Variants in FLG observed in about 807,000 individuals in gnomAD.
FLG encodes filaggrin.
A neutral mutation model predicts 3.8 loss-of-function variants in FLG; 6 were observed. That is an observed-to-expected ratio of 1.60 (90% CI 0.87 to 3.15). The LOEUF (loss-of-function observed/expected upper bound fraction) is 3.15, where lower values mean the gene tolerates loss of function less well. FLG is among the 30% of genes most tolerant of loss of function. The pLI is 0.00. For synonymous variants in FLG, 2,551 were observed against 1,931.6 expected (o/e 1.32, Z -8.41); for missense variants, 7,595 against 5,050.9 (o/e 1.50, Z -15.27).
chr1:152,312,798 G>A lies in FLG; in HGVS notation c.2088C>T (p.Ser696=), dbSNP rs1052420405. The change falls in exon 3 of 3, where the codon TCC becomes TCT. Residue 696 remains serine, a synonymous_variant. Transcript: ENST00000368799. ...CTGCACTTGATCTTGCCTGTTCATGGGATGACGCAGCCTGTCCACTAGAGG... is the reference window on the plus strand; with the variant it reads ...CTGCACTTGATCTTGCCTGTTCATGAGATGACGCAGCCTGTCCACTAGAGG... ...QNSSSGQAAS[S]HEQARSSAGE... The A allele has an allele frequency of 1.2e-6, 2 of 1,614,062 alleles. No homozygotes were observed. The highest frequency in any genetic ancestry group is 1.7e-6 in the Non-Finnish European group (2 of 1,180,026).
rs148283211 is a variant in FLG, at chr1:152,305,305, T to C, written c.9581A>G (p.His3194Arg). The C allele has an allele frequency of 4.1e-5, 66 of 1,610,944 alleles. No homozygotes were observed. The African/African-American group carries it at 8.7e-4, about 21-fold the overall frequency. The change falls in exon 3 of 3, where the codon CAC (histidine) becomes CGC (arginine). Residue 3194 changes from histidine (H) to arginine (R), a missense_variant. By Grantham distance (29) the His-to-Arg change is conservative. Transcript: ENST00000368799. Reference sequence around the variant, plus strand: ...TGATTGTCCCTGGACTGCCTGTGAGTGTCTAGAGATGTCGGCATGAGTGGA... The same window carrying C: ...TGATTGTCCCTGGACTGCCTGTGAGCGTCTAGAGATGTCGGCATGAGTGGA... ...EASTHADISR[H>R]SQAVQGQSEG...
rs1477657085 is a variant in FLG at position 152,311,288 on chromosome 1, A to T, written c.3598T>A (p.Ser1200Thr). 2 of 1,613,208 alleles carry T rather than the reference A, an allele frequency of 1.2e-6. No individual in the cohort carries two copies. The highest frequency in any genetic ancestry group is 1.7e-5 in the Admixed American group (1 of 59,924). ...HSGSHHSHTT[S>T]QGRSDASHGQ... ...TGGGAGGCATCAGACCTTCCCTGGG[A>T]TGTGGTGTGGCTGTGATGGGACCCT... The change falls in exon 3 of 3, where the codon TCC becomes ACC. Residue 1200 changes from serine (S) to threonine (T), a missense_variant. Transcript: ENST00000368799.
rs778352301 is a variant in FLG, at chr1:152,307,232, C to T, written c.7654G>A (p.Gly2552Arg). The change falls in exon 3 of 3, where the codon GGA becomes AGA. Residue 2552 changes from glycine (G) to arginine (R), a missense_variant. Transcript: ENST00000368799. ...CTTGTCCTGGGCCCCTCTGATTGTC[C>T]CTGGCCCACCTGCGAGTGTCCAGAG... ...DSSGHSQVGQ[G>R]QSEGPRTSRN... 1.7e-5 allele frequency: 28 copies of T among 1,612,672 alleles called. No homozygotes were observed. The highest frequency in any genetic ancestry group is 2.2e-5 in the South Asian group (2 of 91,076).
chr1:152,307,149 G>T lies in FLG; in HGVS notation c.7737C>A (p.Asp2579Glu). 6.2e-7 allele frequency: 1 copy of T among 1,612,730 alleles called. No homozygotes were observed. Among genetic ancestry groups the T allele is most frequent in the East Asian group, 2.2e-5 (1 of 44,792 alleles). Residue 2579 changes from aspartate (D) to glutamate (E), a missense_variant, in exon 3 of 3, where the codon GAC becomes GAA. Transcript: ENST00000368799. ...AAGCAGACCCAGACCACCTCTCAGA[G>T]TCTTCTGAGTGTCCCTGACTGTCAC... is the stretch of plus-strand genomic sequence containing the variant. ...QDSDSQGHSE[D>E]SERWSGSASR... is the part of the protein sequence containing the mutation.
rs1652171247 is a variant in FLG at position 152,308,817 on chromosome 1, C to T, written c.6069G>A (p.Gly2023=). 2 of 1,614,142 alleles carry T rather than the reference C, an allele frequency of 1.2e-6. No individual in the cohort carries two copies. The highest frequency in any genetic ancestry group is 1.7e-6 in the Non-Finnish European group (2 of 1,180,006). The change falls in exon 3 of 3, where the codon GGG becomes GGA. Residue 2023 remains glycine, a synonymous_variant. Transcript: ENST00000368799. The part of the protein sequence containing the change: ...SADSSRHSGI[G]HGQASSAVRD... Reference sequence around the variant, plus strand: ...TGACTGCAGATGAAGCTTGTCCATGCCCAATGCCTGAGTGTCTGGAGCTGT... The same window carrying T: ...TGACTGCAGATGAAGCTTGTCCATGTCCAATGCCTGAGTGTCTGGAGCTGT...
Position 152,311,646 on chromosome 1 carries a change from C to G in FLG, c.3240G>C (p.Glu1080Asp), listed in dbSNP as rs755919343. The G allele has an allele frequency of 7.4e-6, 12 of 1,614,082 alleles. No individual in the cohort carries two copies. The highest frequency in any genetic ancestry group is 3.3e-5 in the Admixed American group (2 of 60,024). The change falls in exon 3 of 3, where the codon GAG (glutamate) becomes GAC (aspartate). Residue 1080 changes from glutamate to aspartate, a missense_variant. Physicochemically the swap from Glu to Asp is conservative, Grantham distance 45. Transcript: ENST00000368799. ...GGCCTGACACTGACTGTGTGTCTGA[C>G]TCCTCTGAATGTCCCTCACTATCAC... ...QASDSEGHSEESDTQSVSGHG... is the reference protein window; with the variant it reads ...QASDSEGHSEDSDTQSVSGHG...
chr1:152,313,750 C>G lies in FLG; in HGVS notation c.1136G>C (p.Ser379Thr), dbSNP rs1340893697. ...GCCGGATCCATGTCTTTCTCCTGGACTTGATCTTGCCTGTTCATGGGATGA... is the reference window on the plus strand; with the variant it reads ...GCCGGATCCATGTCTTTCTCCTGGAGTTGATCTTGCCTGTTCATGGGATGA... ...TASSHEQARS[S>T]PGERHGSGHQ... The change falls in exon 3 of 3, where the codon AGT becomes ACT. Residue 379 changes from serine (S) to threonine (T), a missense_variant. By Grantham distance (58) the Ser-to-Thr change is moderately conservative (BLOSUM62 1). Coordinates refer to ENST00000368799, the MANE Select transcript of FLG (RefSeq NM_002016.2). 6.2e-7 allele frequency: 1 copy of G among 1,613,980 alleles called. No homozygotes were observed. The highest frequency in any genetic ancestry group is 8.5e-7 in the Non-Finnish European group (1 of 1,179,992).
chr1:152,305,216 G>A lies in FLG; in HGVS notation c.9670C>T (p.His3224Tyr), dbSNP rs1651875421. 5.0e-6 allele frequency: 8 copies of A among 1,613,392 alleles called. No homozygotes were observed. The highest frequency in any genetic ancestry group is 6.8e-6 in the Non-Finnish European group (8 of 1,179,876). ...GACCACCTCTCAGAGTCTTCTGAAT[G>A]TCCCTCACTGTCACTGTCCTGGCTC... The part of the protein sequence containing the change: ...SVSQDSDSEG[H>Y]SEDSERWSGS... Residue 3224 changes from histidine (H) to tyrosine (Y), a missense_variant, in exon 3 of 3, where the codon CAT (histidine) becomes TAT (tyrosine). Transcript: ENST00000368799.
In FLG at chr1:152,303,644, G is replaced by A. The variant is rs753261797; in HGVS notation, c.11242C>T (p.His3748Tyr). 2.5e-6 allele frequency: 4 copies of A among 1,613,984 alleles called. No individual in the cohort carries two copies. Among genetic ancestry groups the A allele is most frequent in the South Asian group, 1.1e-5 (1 of 91,076 alleles). The stretch of plus-strand genomic sequence containing the variant: ...TCCTGACCCTCTTGGGACGCTGAGT[G>A]CCTGGAGCTGTCTCGTGCCTGCTCG... Reference protein sequence around the residue: ...RHEQARDSSRHSASQEGQDTI... With the variant: ...RHEQARDSSRYSASQEGQDTI... The change falls in exon 3 of 3, where the codon CAC (histidine) becomes TAC (tyrosine). Residue 3748 changes from histidine (H) to tyrosine (Y), a missense_variant. Transcript: ENST00000368799.
chr1:152,315,181 A>G lies in FLG; in HGVS notation c.138+138T>C, dbSNP rs1023192123. The G allele has an allele frequency of 4.2e-5, 36 of 851,688 alleles. 1 individual carries two copies. The South Asian group carries it at 6.0e-4, about 14-fold the overall frequency. The allele number at this position is 851,688 out of a possible 1,614,324, so 52.8% of individuals were successfully genotyped here. A position where few individuals can be genotyped will look rare whatever the true frequency, so the allele number is the denominator to read the frequency against. Reference sequence around the variant, plus strand: ...TCCAGGTATAGGGGAAGAAAATAAAATCTATCTCTTTTGAGACAAGATTAA... The same window carrying G: ...TCCAGGTATAGGGGAAGAAAATAAAGTCTATCTCTTTTGAGACAAGATTAA... On this transcript the variant is annotated intron_variant, in intron 2 of 2. Transcript: ENST00000368799.
intron 1 of FLG, among the ~76,000 whole-genome samples, chr1:152,321,314 A>G (rs1242762087): frequency 1.3e-5 from 2 of 150,880 alleles, no homozygotes; most frequent in Non-Finnish European, 3.0e-5. Context: ...AAGAAAGTAT[A>G]ATGAAGGAAA....
At position 152,305,427 on chromosome 1, in the gene FLG, A is replaced by G. The variant is rs1557872081; in HGVS notation, c.9459T>C (p.Arg3153=). The G allele has an allele frequency of 1.3e-6, 2 of 1,599,426 alleles. No individual in the cohort carries two copies. Among genetic ancestry groups the G allele is most frequent in the Non-Finnish European group, 8.5e-7 (1 of 1,176,990 alleles). ...TTSQGRSDAS[R]GQSGSRSASR... ...TTGCACTTCTGGATCCTGACTGCCC[A>G]CGGGAGGCATCAGACCTTCCCTGGG... Residue 3153 remains arginine, a synonymous_variant, in exon 3 of 3, where the codon CGT becomes CGC. Coordinates refer to ENST00000368799, the MANE Select transcript of FLG (RefSeq NM_002016.2).
At position 152,307,435 on chromosome 1, in the gene FLG, C is replaced by T. The variant is rs1287880660; in HGVS notation, c.7451G>A (p.Arg2484Lys). 2 of 1,613,368 alleles carry T rather than the reference C, an allele frequency of 1.2e-6. No homozygotes were observed. Among genetic ancestry groups the T allele is most frequent in the African/African-American group, 2.7e-5 (2 of 74,928 alleles). ...QGSHYEQLVDRSGHSGSHHSH... is the reference protein window; with the variant it reads ...QGSHYEQLVDKSGHSGSHHSH... ...GTGATGAGACCCTGAGTGTCCAGAT[C>T]TATCTACCAATTGCTCGTAGTGGGA... The change falls in exon 3 of 3, where the codon AGA becomes AAA. Residue 2484 changes from arginine to lysine, a missense_variant. Coordinates refer to ENST00000368799, the MANE Select transcript of FLG (RefSeq NM_002016.2).
chr1:152,303,807 T>C lies in FLG; in HGVS notation c.11079A>G (p.Gln3693=). 6.2e-7 allele frequency: 1 copy of C among 1,613,498 alleles called. No homozygotes were observed. Among genetic ancestry groups the C allele is most frequent in the South Asian group, 1.1e-5 (1 of 91,002 alleles). ...GQAGPHQQSH[Q]ESTRGRSAGR... ...CTGCTGACCGGCCACGTGTGGACTCTTGGTGGCTCTGCTGATGGGGCCCAG... is the reference window on the plus strand; with the variant it reads ...CTGCTGACCGGCCACGTGTGGACTCCTGGTGGCTCTGCTGATGGGGCCCAG... The change falls in exon 3 of 3, where the codon CAA becomes CAG. Residue 3693 remains glutamine (Q), a synonymous_variant. Transcript: ENST00000368799.
rs750820900 is a variant in FLG at position 152,309,304 on chromosome 1, G to C, written c.5582C>G (p.Ser1861Cys). The C allele has an allele frequency of 7.3e-5, 117 of 1,613,716 alleles. No individual in the cohort carries two copies. The highest frequency in any genetic ancestry group is 9.1e-5 in the Non-Finnish European group (107 of 1,180,006). Residue 1861 changes from serine to cysteine, a missense_variant, in exon 3 of 3, where the codon TCC becomes TGC. Coordinates refer to ENST00000368799, the MANE Select transcript of FLG (RefSeq NM_002016.2). Reference sequence around the variant, plus strand: ...ACGTGTTTGTCTGCTGACACTTCTGGATCCTGACTGCCCACGGGAGACATC... The same window carrying C: ...ACGTGTTTGTCTGCTGACACTTCTGCATCCTGACTGCCCACGGGAGACATC... ...RSDVSRGQSG[S>C]RSVSRQTRNE...
chr1:152,322,877 G>A (rs979499325), intron 1 of FLG, among the ~76,000 whole-genome samples: 2 of 151,162 alleles, frequency 1.3e-5, no homozygotes, highest in African/African-American at 2.4e-5. Flanking sequence ...GATTAATAAG[G>A]TGATTTCTAA....
rs1322253920 is a variant in FLG at position 152,312,436 on chromosome 1, C to T, written c.2450G>A (p.Arg817Lys). The T allele has an allele frequency of 6.2e-7, 1 of 1,613,648 alleles. No individual in the cohort carries two copies. The highest frequency in any genetic ancestry group is 1.1e-5 in the South Asian group (1 of 91,038). ...HGWTGPSTGV[R>K]QGSHHEQARD... is the part of the protein sequence containing the mutation. The stretch of plus-strand genomic sequence containing the variant: ...TGCCTGCTCATGGTGGGATCCTTGT[C>T]TTACTCCAGTGCTGGGCCCTGTCCA... Residue 817 changes from arginine (R) to lysine (K), a missense_variant, in exon 3 of 3, where the codon AGA (arginine) becomes AAA (lysine). Transcript: ENST00000368799.
rs368161602 is a variant in FLG at position 152,313,660 on chromosome 1, A to G, written c.1226T>C (p.Val409Ala). Residue 409 changes from valine (V) to alanine (A), a missense_variant, in exon 3 of 3, where the codon GTC (valine) becomes GCC (alanine). Val to Ala is a moderately conservative substitution (Grantham distance 64, BLOSUM62 0). Transcript: ENST00000368799. ...AGACCCCCGGTGTCCACGATCGCTG[A>G]CTGCAGATGAAGCTTGCCCGCGCCC... ...ATGRGQASSA[V>A]SDRGHRGSSG... is the part of the protein sequence containing the mutation. The G allele has an allele frequency of 6.9e-5, 111 of 1,613,564 alleles. No individual in the cohort carries two copies. The highest frequency in any genetic ancestry group is 3.3e-4 in the South Asian group (30 of 91,046).
In FLG at chr1:152,303,205, TG is replaced by T. The variant is rs2101634765; in HGVS notation, c.11680del (p.Gln3894SerfsTer79). 6.2e-7 allele frequency: 1 copy of T among 1,614,172 alleles called. No individual in the cohort carries two copies. The highest frequency in any genetic ancestry group is 2.2e-5 in the East Asian group (1 of 44,886). On this transcript the variant is annotated frameshift_variant, in exon 3 of 3. Coordinates refer to ENST00000368799, the MANE Select transcript of FLG (RefSeq NM_002016.2). LOFTEE classifies it low-confidence loss of function (END_TRUNC). ...GGGGTGTCTGGAGCCATCTCTTGACTGCTCCCGAGAAGATCCATGATGGTTT... is the reference window on the plus strand; with the variant it reads ...GGGGTGTCTGGAGCCATCTCTTGACTCTCCCGAGAAGATCCATGATGGTTT... Reference protein sequence around the residue: ...SRNHHGSSREQSRDGSRHPGS... With the variant: ...SRNHHGSSREXSRDGSRHPGS...
Sources: allele counts gnomAD v4.1 joint callset (sites outside exome capture counted in the v4.1 genomes callset), GRCh38; gene constraint gnomAD v4.1.1; transcripts MANE v1.5; gene names NCBI Gene and HGNC (gene_info 2026-07-23, HGNC 2026-07-21).